PLCH1: variants seen among roughly 807,000 people sequenced by gnomAD.
PLCH1 encodes 1-phosphatidylinositol 4,5-bisphosphate phosphodiesterase eta-1.
PLCH1 carries 60 observed loss-of-function variants against 126.7 expected under a neutral mutation model. The ratio of observed to expected loss-of-function variants is 0.47; its 90% CI spans 0.38 to 0.59. The LOEUF (loss-of-function observed/expected upper bound fraction) is 0.59, where lower values mean the gene tolerates loss of function less well. PLCH1 is among the 20% of genes least tolerant of loss of function. The probability of loss-of-function intolerance (pLI) is 0.00; values close to 1 mark genes in which losing one functional copy is unlikely to be tolerated. For missense variants in PLCH1, 1,723 were observed against 2,040.0 expected (o/e 0.84, Z 2.99); for synonymous variants, 719 against 734.9 (o/e 0.98, Z 0.35).
At chr3:155,492,574 G>A (rs1560063616) in intron 18 of PLCH1, among the ~76,000 whole-genome samples, 155 bp downstream of exon 18, 1 of 152,186 alleles carries the variant, frequency 6.6e-6, no homozygotes, top group Non-Finnish European at 1.5e-5. Context: ...CAAGAACTGT[G>A]TGACTTACCA....
Position 155,659,991 on chromosome 3 carries a change from C to T in PLCH1, c.79+44155G>A, listed in dbSNP as rs897832731. On this transcript the variant is annotated intron_variant, in intron 2 of 22. Transcript: ENST00000460012. ...GTCGATCATTAGAAAAAGAGAAGTT[C>T]TGCTTAATTTGACACTGGCATATCA... is the stretch of plus-strand genomic sequence containing the variant. Among the ~76,000 whole-genome samples the T allele has an allele frequency of 4.6e-5, 7 of 152,162 alleles. No homozygotes were observed. The East Asian group carries it at 5.8e-4, about 13-fold the overall frequency.
intron 21 of PLCH1, among the ~76,000 whole-genome samples, chr3:155,472,128 T>A (rs1294131075): frequency 6.6e-6 from 1 of 152,070 alleles, no homozygotes; most frequent in Non-Finnish European, 1.5e-5. Flanking sequence ...GAAAAATTAA[T>A]GAATCCAGGA....
At chr3:155,662,584 T>C (rs973817883) in intron 2 of PLCH1, among the ~76,000 whole-genome samples, 1 of 152,048 alleles carries the variant, frequency 6.6e-6, no homozygotes, top group Non-Finnish European at 1.5e-5. Context: ...TGGAGACACA[T>C]TGCAACCAAA....
chr3:155,529,448 G>A (rs1368888728), intron 10 of PLCH1, among the ~76,000 whole-genome samples: 1 of 151,846 alleles, frequency 6.6e-6, no homozygotes, highest in Non-Finnish European at 1.5e-5. Context: ...TATTATGAGT[G>A]TGGTTTCAGA....
At chr3:155,511,027 C>T (rs1719397013) in intron 12 of PLCH1, among the ~76,000 whole-genome samples, 1 of 119,644 alleles carries the variant, frequency 8.4e-6, no homozygotes, top group Non-Finnish European at 1.7e-5. Flanking sequence ...TCACATAGTC[C>T]CATATTTCTT....
At chr3:155,513,235 A>G (rs1201689139) in intron 12 of PLCH1, among the ~76,000 whole-genome samples, 1 of 152,138 alleles carries the variant, frequency 6.6e-6, no homozygotes, top group Non-Finnish European at 1.5e-5. Context: ...GTGAACCAAA[A>G]CCATATTTTT....
chr3:155,607,841 G>A (rs1734553627), intron 2 of PLCH1, among the ~76,000 whole-genome samples: 1 of 152,290 alleles, frequency 6.6e-6, no homozygotes, highest in East Asian at 1.9e-4. Context: ...GGATGGACAG[G>A]ACAGAGTATG....
At chr3:155,634,337 C>T (rs1738462884) in intron 2 of PLCH1, among the ~76,000 whole-genome samples, 1 of 152,192 alleles carries the variant, frequency 6.6e-6, no homozygotes, top group Non-Finnish European at 1.5e-5. Context: ...GCGCTGCCTA[C>T]TGGTAACCAT....
rs867898727 is a variant in PLCH1, at chr3:155,522,946, A to G, written c.1470+951T>C. Among the ~76,000 whole-genome samples the G allele has an allele frequency of 2.4e-4, 26 of 109,230 alleles. 1 individual carries two copies. The South Asian group carries it at 6.7e-3, about 28-fold the overall frequency. The allele number at this position is 109,230 out of a possible 152,430, so 71.7% of individuals were successfully genotyped here. A position where few individuals can be genotyped will look rare whatever the true frequency, so the allele number is the denominator to read the frequency against. On this transcript the variant is annotated intron_variant, in intron 11 of 22. Transcript: ENST00000460012. ...TTCCCTTGGATCACCTGGCTAAATG[A>G]TGCTTTTCTTTTTTTGCGGGGGGGG...
chr3:155,495,146 A>G (rs1008792739), intron 15 of PLCH1, among the ~76,000 whole-genome samples: 1 of 152,190 alleles, frequency 6.6e-6, no homozygotes, highest in African/African-American at 2.4e-5. Context: ...ATAAAGGAAT[A>G]AAAGTTTTAA....
At chr3:155,561,444 C>A (rs892086873) in intron 8 of PLCH1, among the ~76,000 whole-genome samples, 1 of 151,848 alleles carries the variant, frequency 6.6e-6, no homozygotes, top group African/African-American at 2.4e-5. Flanking sequence ...TCATCCATGT[C>A]CCTACAAAGG....
intron 21 of PLCH1, chr3:155,456,540 C>T (rs1163433180): frequency 6.6e-6 from 1 of 152,278 alleles, no homozygotes; most frequent in Non-Finnish European, 1.5e-5. Flanking sequence ...GGCGTTAAGC[C>T]TATTTCCAGC....
At chr3:155,686,268 G>A (rs1577319054) in intron 2 of PLCH1, among the ~76,000 whole-genome samples, 1 of 152,182 alleles carries the variant, frequency 6.6e-6, no homozygotes, top group Non-Finnish European at 1.5e-5. Flanking sequence ...GGGCAAGACT[G>A]TAATGTAAGC....
chr3:155,582,318 G>A (rs1730823897), intron 6 of PLCH1, among the ~76,000 whole-genome samples: 1 of 151,470 alleles, frequency 6.6e-6, no homozygotes. Flanking sequence ...CCTGACCTCA[G>A]GTGATCCACC....
chr3:155,487,762 G>A (rs995633488), intron 21 of PLCH1, among the ~76,000 whole-genome samples: 1 of 152,114 alleles, frequency 6.6e-6, no homozygotes, highest in Admixed American at 6.5e-5. Context: ...ACAGATTACT[G>A]CCTGAGAGAA....
At chr3:155,515,274 C>G (rs948410969) in intron 11 of PLCH1, among the ~76,000 whole-genome samples, 2 of 152,164 alleles carry the variant, frequency 1.3e-5, no homozygotes, top group Non-Finnish European at 2.9e-5. Context: ...AGCCCTTCCC[C>G]CTATGCTTAT....
At chr3:155,719,383 G>C (rs887589433) in intron 1 of PLCH1, among the ~76,000 whole-genome samples, 3 of 151,968 alleles carry the variant, frequency 2.0e-5, no homozygotes, top group African/African-American at 7.2e-5. Context: ...GGGGGAGGGG[G>C]AAGGGATAGC....
intron 21 of PLCH1, among the ~76,000 whole-genome samples, chr3:155,452,029 T>C (rs1712319686): frequency 6.6e-6 from 1 of 152,068 alleles, no homozygotes. Context: ...CACACACACA[T>C]ACATTCTCTC....
intron 13 of PLCH1, among the ~76,000 whole-genome samples, chr3:155,501,656 G>A (rs1334168530): frequency 1.3e-5 from 2 of 152,018 alleles, no homozygotes; most frequent in African/African-American, 2.4e-5. Flanking sequence ...TTAGCTGGGC[G>A]TGGTGGCAGG....
Sources: gnomAD v4.1 joint callset for allele counts (sites outside exome capture counted in the v4.1 genomes callset) on GRCh38, gnomAD v4.1.1 for gene constraint, MANE v1.5 for transcripts, NCBI Gene and HGNC (gene_info 2026-07-23, HGNC 2026-07-21) for gene names.